The following STAG1 variants were observed in gnomAD, a reference collection of about 807,000 sequenced individuals.
STAG1 encodes the protein cohesin subunit SA-1.
STAG1 carries 26 observed loss-of-function variants against 170.9 expected under a neutral mutation model. That is an observed-to-expected ratio of 0.15 (90% confidence interval 0.11 to 0.21). STAG1 has a LOEUF of 0.21. Ranked by LOEUF, STAG1 falls within the 10% of genes least tolerant of loss-of-function variation. The pLI is 1.00. For synonymous variants in STAG1, 514 were observed against 497.7 expected (o/e 1.03, Z -0.44); for missense variants, 964 against 1,509.5 (o/e 0.64, Z 5.99).
At chr3:136,572,588 A>T (rs1050922130) in intron 4 of STAG1, among the ~76,000 whole-genome samples, 22 of 131,722 alleles carry the variant, frequency 1.7e-4, no homozygotes, top group Non-Finnish European at 7.9e-5. Flanking sequence ...TGGGTGACAG[A>T]GCAAGACTGT....
At chr3:136,524,040 C>T (rs1281625061) in intron 6 of STAG1, among the ~76,000 whole-genome samples, 2 of 152,072 alleles carry the variant, frequency 1.3e-5, no homozygotes, top group African/African-American at 4.8e-5. Flanking sequence ...ATGCCTCCAG[C>T]TTTGTTCTTT....
At chr3:136,456,573 A>G (rs1272783820) in intron 13 of STAG1, among the ~76,000 whole-genome samples, 1 of 152,226 alleles carries the variant, frequency 6.6e-6, no homozygotes, top group Non-Finnish European at 1.5e-5. Context: ...AGAGAGAAAA[A>G]GGGCCTGGAA....
intron 1 of STAG1, among the ~76,000 whole-genome samples, chr3:136,667,098 G>A (rs1040000033): frequency 3.6e-4 from 55 of 151,678 alleles, no homozygotes; most frequent in African/African-American, 1.2e-3. Flanking sequence ...CTCAATAGGC[G>A]GTCTAAATAA....
chr3:136,617,463 G>T (rs1202378768), intron 3 of STAG1, among the ~76,000 whole-genome samples: 2 of 152,158 alleles, frequency 1.3e-5, no homozygotes, highest in Non-Finnish European at 2.9e-5. Context: ...CATGTGCCTG[G>T]TTTATCAGTT....
At chr3:136,340,303 G>C (rs1312862696) in intron 32 of STAG1, among the ~76,000 whole-genome samples, 188 bp downstream of exon 32, 1 of 152,012 alleles carries the variant, frequency 6.6e-6, no homozygotes, top group African/African-American at 2.4e-5. Flanking sequence ...TGTATTTTTA[G>C]TAGAGACGGG....
intron 6 of STAG1, among the ~76,000 whole-genome samples, chr3:136,522,244 T>G (rs1276244947): frequency 1.3e-5 from 2 of 152,196 alleles, no homozygotes; most frequent in African/African-American, 4.8e-5. Context: ...GGCCTTGAGC[T>G]CTACTGGAGT....
chr3:136,373,442 C>T (rs546084140), intron 23 of STAG1, among the ~76,000 whole-genome samples: 2 of 151,882 alleles, frequency 1.3e-5, no homozygotes, highest in Non-Finnish European at 2.9e-5. Flanking sequence ...TGTGATGTTA[C>T]GGTGTCAATT....
intron 4 of STAG1, among the ~76,000 whole-genome samples, chr3:136,590,696 A>T: frequency 6.6e-6 from 1 of 152,158 alleles, no homozygotes; most frequent in East Asian, 1.9e-4. Context: ...GTAGAGTATA[A>T]AAATGAAGGA....
At chr3:136,536,642 C>T (rs1459133216) in intron 6 of STAG1, among the ~76,000 whole-genome samples, 2 of 146,344 alleles carry the variant, frequency 1.4e-5, no homozygotes, top group Non-Finnish European at 3.0e-5. Flanking sequence ...CAGAAGTTGC[C>T]GTGAGCCAAG....
intron 6 of STAG1, among the ~76,000 whole-genome samples, chr3:136,532,484 T>C (rs1387874991): frequency 6.6e-6 from 1 of 152,196 alleles, no homozygotes; most frequent in Non-Finnish European, 1.5e-5. Flanking sequence ...AGAATTCAGC[T>C]GTGAATCCTT....
intron 5 of STAG1, among the ~76,000 whole-genome samples, chr3:136,559,853 T>C (rs1465038877): frequency 6.6e-6 from 1 of 152,234 alleles, no homozygotes; most frequent in Admixed American, 6.5e-5. Context: ...TGAGAAGCTA[T>C]ACAATGCCCA....
At chr3:136,651,518 CAAGT>C (rs1350581875) in intron 1 of STAG1, among the ~76,000 whole-genome samples, 2 of 151,244 alleles carry the variant, frequency 1.3e-5, no homozygotes, top group African/African-American at 4.9e-5. Flanking sequence ...TAAATATTTA[CAAGT>C]TAGTAAATAT....
intron 12 of STAG1, among the ~76,000 whole-genome samples, chr3:136,467,508 G>C (rs906701222): frequency 1.3e-5 from 2 of 152,046 alleles, no homozygotes; most frequent in African/African-American, 4.8e-5. Context: ...GATTCATAAA[G>C]AAAGTCCTAA....
At chr3:136,507,449 G>A (rs1475695996) in intron 7 of STAG1, among the ~76,000 whole-genome samples, 2 of 151,886 alleles carry the variant, frequency 1.3e-5, no homozygotes. Context: ...CTGCAGCCTC[G>A]ACCCCCACCA....
At chr3:136,345,084 G>A (rs1936163612) in intron 29 of STAG1, among the ~76,000 whole-genome samples, 1 of 151,882 alleles carries the variant, frequency 6.6e-6, no homozygotes, top group African/African-American at 2.4e-5. Context: ...TTATGAAAAT[G>A]GTTTATAAAT....
chr3:136,473,134 G>A (rs1159506987), intron 11 of STAG1, among the ~76,000 whole-genome samples: 2 of 152,044 alleles, frequency 1.3e-5, no homozygotes, highest in Non-Finnish European at 2.9e-5. Context: ...TCTACGTTGT[G>A]TGCTCCTTAT....
At chr3:136,712,670 G>C (rs1345438266) in intron 1 of STAG1, among the ~76,000 whole-genome samples, 1 of 152,178 alleles carries the variant, frequency 6.6e-6, no homozygotes, top group Non-Finnish European at 1.5e-5. Context: ...GCTGCTGTTG[G>C]AAGAAAAGTT....
chr3:136,519,450 A>G (rs1433133807), intron 7 of STAG1, among the ~76,000 whole-genome samples: 1 of 152,076 alleles, frequency 6.6e-6, no homozygotes, highest in Non-Finnish European at 1.5e-5. Flanking sequence ...AAACCCAGAT[A>G]ATAACTTCTG....
intron 23 of STAG1, among the ~76,000 whole-genome samples, chr3:136,370,946 A>G (rs1937300654): frequency 1.3e-5 from 2 of 152,340 alleles, no homozygotes; most frequent in South Asian, 4.1e-4. Context: ...ACTGACTTCC[A>G]CAATGGTTGA....
Sources: gnomAD v4.1 joint callset for allele counts (sites outside exome capture counted in the v4.1 genomes callset) on GRCh38, gnomAD v4.1.1 for gene constraint, MANE v1.5 for transcripts, NCBI Gene and HGNC (gene_info 2026-07-23, HGNC 2026-07-21) for gene names.